The following MCAM variants were observed in gnomAD, a reference collection of about 807,000 sequenced individuals.
MCAM encodes melanoma cell adhesion molecule, also known as cell surface glycoprotein MUC18.
MCAM carries 55 observed loss-of-function variants against 79.1 expected under a neutral mutation model. The ratio of observed to expected loss-of-function variants is 0.70; its 90% CI spans 0.56 to 0.87. The LOEUF (loss-of-function observed/expected upper bound fraction) is 0.87. Ranked by LOEUF, MCAM falls within the 40% of genes least tolerant of loss-of-function variation. The pLI is 0.00. For missense variants in MCAM, 745 were observed against 839.8 expected (o/e 0.89, Z 1.40); for synonymous variants, 330 against 339.8 (o/e 0.97, Z 0.32).
chr11:119,313,189 G>A (rs1439952632), intron 5 of MCAM: 5 of 1,482,218 alleles, frequency 3.4e-6, no homozygotes, highest in Non-Finnish European at 4.5e-6. Flanking sequence ...ATGCTGCAAT[G>A]ATAAAAACGA....
At position 119,315,257 on chromosome 11, in the gene MCAM, G is replaced by A. The variant is rs931739508; in HGVS notation, c.74C>T (p.Pro25Leu). Residue 25 changes from proline (P) to leucine (L), a missense_variant, in exon 2 of 16, where the codon CCC becomes CTC. By Grantham distance (98) the Pro-to-Leu change is moderately conservative. Coordinates refer to ENST00000264036, the MANE Select transcript of MCAM (RefSeq NM_006500.3). This position sits in a 1 kb window ranked among gnomAD's most constrained non-coding sequence, Gnocchi z 4.4. ...AGGCGCAGGCTGCTCAGCCTCTCCG[G>A]GCACACCTGGGGGAGGGAGGCGGGG... ...CCCCPRVAGV[P>L]GEAEQPAPEL... 2.5e-6 allele frequency: 4 copies of A among 1,609,288 alleles called. No individual in the cohort carries two copies. The African/African-American group carries it at 4.0e-5, about 16-fold the overall frequency.
chr11:119,316,262 T>C lies in MCAM; in HGVS notation c.67+773A>G, dbSNP rs1447629140. 2.0e-5 allele frequency: 3 copies of C among 152,186 alleles called. No individual in the cohort carries two copies. The highest frequency in any genetic ancestry group is 7.2e-5 in the African/African-American group (3 of 41,440). The allele number at this position is 152,186 out of a possible 1,614,324, so 9.4% of individuals were successfully genotyped here. On this transcript the variant is annotated intron_variant, in intron 1 of 15. Coordinates refer to ENST00000264036, the MANE Select transcript of MCAM (RefSeq NM_006500.3). This position sits in a 1 kb window ranked among gnomAD's most constrained non-coding sequence, Gnocchi z 4.8. The stretch of plus-strand genomic sequence containing the variant: ...CCGGACAGCGGCTGGGACGGCGGAA[T>C]GGGAGCCAAGAGAAACACGCGACAC...
chr11:119,311,476 C>T lies in MCAM; in HGVS notation c.1407+54G>A. On this transcript the variant is annotated intron_variant, in intron 11 of 15. Transcript: ENST00000264036. This position sits in a 1 kb window ranked among gnomAD's most constrained non-coding sequence, Gnocchi z 4.4. The stretch of plus-strand genomic sequence containing the variant: ...GGATGGGGAGGATCTCTGGTCCTGG[C>T]CACAAAGCGCAGGCAGGGATTAGGA... The T allele has an allele frequency of 6.2e-7, 1 of 1,613,416 alleles. No individual in the cohort carries two copies. The highest frequency in any genetic ancestry group is 8.5e-7 in the Non-Finnish European group (1 of 1,179,468).
intron 4 of MCAM, 39 bp from the exon 5 acceptor site, chr11:119,314,615 C>A (rs761381111): frequency 1.9e-6 from 3 of 1,611,024 alleles, no homozygotes; most frequent in Non-Finnish European, 2.5e-6. Context: ...GCCTCCGAGC[C>A]CCCTTCAAGC....
rs768743790 is a variant in MCAM at position 119,311,541 on chromosome 11, C to T, written c.1396G>A (p.Val466Ile). 8.1e-6 allele frequency: 13 copies of T among 1,613,996 alleles called. No homozygotes were observed. Among genetic ancestry groups the T allele is most frequent in the East Asian group, 2.2e-5 (1 of 44,884 alleles). The change falls in exon 11 of 16, where the codon GTC becomes ATC. Residue 466 changes from valine to isoleucine, a missense_variant. By Grantham distance (29) the Val-to-Ile change is conservative. Transcript: ENST00000264036. The surrounding 1 kb of genome is among the most constrained non-coding windows in gnomAD (Gnocchi z 4.4). ...AGACACCCGCTCACCGTGCCGTTGACGTTCCAGGAGATGGTGGGCCGGGGG... is the reference window on the plus strand; with the variant it reads ...AGACACCCGCTCACCGTGCCGTTGATGTTCCAGGAGATGGTGGGCCGGGGG... ...GHPRPTISWN[V>I]NGTASEQDQD...
Position 119,316,986 on chromosome 11 carries a change from C to A in MCAM, c.67+49G>T. The A allele has an allele frequency of 6.8e-7, 1 of 1,478,332 alleles. No individual in the cohort carries two copies. The highest frequency in any genetic ancestry group is 1.2e-5 in the South Asian group (1 of 81,832). The allele number at this position is 1,478,332 out of a possible 1,614,324, so 91.6% of individuals were successfully genotyped here. A position where few individuals can be genotyped will look rare whatever the true frequency, so the allele number is the denominator to read the frequency against. On this transcript the variant is annotated intron_variant, in intron 1 of 15. Coordinates refer to ENST00000264036, the MANE Select transcript of MCAM (RefSeq NM_006500.3). The surrounding 1 kb of genome is among the most constrained non-coding windows in gnomAD (Gnocchi z 4.8). ...CGCTGGCTCTGCTCCCTGGCACGCT[C>A]CACCGCAGACCCCTAGCCGGGGCGC...
rs74795270 is a variant in MCAM, at chr11:119,313,273, G to C, written c.560-324C>G. On this transcript the variant is annotated intron_variant, in intron 5 of 15. Coordinates refer to ENST00000264036, the MANE Select transcript of MCAM (RefSeq NM_006500.3). ...TGCTATGCGTAGTATGGAAAACTTGGCAGTAAGCAAAACGATCAGTTGATC... is the reference window on the plus strand; with the variant it reads ...TGCTATGCGTAGTATGGAAAACTTGCCAGTAAGCAAAACGATCAGTTGATC... 1,569 of 1,363,222 alleles carry C rather than the reference G, an allele frequency of 1.2e-3. 15 individuals are homozygous for C. The African/African-American group carries it at 0.02, about 18-fold the overall frequency. 84.4% of individuals were successfully genotyped at this position (1,363,222 alleles called of 1,614,324 possible). A position where few individuals can be genotyped will look rare whatever the true frequency, so the allele number is the denominator to read the frequency against.
rs1950291672 is a variant in MCAM at position 119,315,035 on chromosome 11, G to A, written c.198C>T (p.His66=). Residue 66 remains histidine, a synonymous_variant, in exon 3 of 16, where the codon CAC becomes CAT. Transcript: ENST00000264036. The surrounding 1 kb of genome is among the most constrained non-coding windows in gnomAD (Gnocchi z 4.4). ...GGAAGATGAGCGTCCGCTTCTCCTT[G>A]TGGACCTAATGGGAGGAGACACAGA... ...NLSHVDWFSV[H]KEKRTLIFRV... 2 of 1,608,548 alleles carry A rather than the reference G, an allele frequency of 1.2e-6. No individual in the cohort carries two copies. Among genetic ancestry groups the A allele is most frequent in the Non-Finnish European group, 1.7e-6 (2 of 1,179,928 alleles).
chr11:119,311,737 C>T lies in MCAM; in HGVS notation c.1285+71G>A, dbSNP rs1950236899. 6.2e-7 allele frequency: 1 copy of T among 1,607,482 alleles called. No homozygotes were observed. Among genetic ancestry groups the T allele is most frequent in the Admixed American group, 1.7e-5 (1 of 59,514 alleles). On this transcript the variant is annotated intron_variant, in intron 10 of 15. Coordinates refer to ENST00000264036, the MANE Select transcript of MCAM (RefSeq NM_006500.3). The surrounding 1 kb of genome is among the most constrained non-coding windows in gnomAD (Gnocchi z 4.4). The stretch of plus-strand genomic sequence containing the variant: ...CAGAGCTCCCCAGGGCAGCAGGTGG[C>T]TTTTTGTCAAAGAGCTTAAAAACCA...
In MCAM at chr11:119,310,453, A is replaced by G; in HGVS notation, c.1807T>C (p.Ser603Pro). 1 of 1,611,164 alleles carries G rather than the reference A, an allele frequency of 6.2e-7. No homozygotes were observed. The highest frequency in any genetic ancestry group is 1.7e-5 in the Admixed American group (1 of 60,030). Residue 603 changes from serine to proline, a missense_variant, in exon 15 of 16, where the codon TCT becomes CCT. Ser to Pro is a moderately conservative substitution (Grantham distance 74, BLOSUM62 -1). Coordinates refer to ENST00000264036, the MANE Select transcript of MCAM (RefSeq NM_006500.3). ...SGKQEITLPP[S>P]RKSELVVEVK... Reference sequence around the variant, plus strand: ...TCAACTACAAGTTCGCTCTTACGAGACGGGGGTAGCGTGCTGGGAGGAGGG... The same window carrying G: ...TCAACTACAAGTTCGCTCTTACGAGGCGGGGGTAGCGTGCTGGGAGGAGGG...
intron 5 of MCAM, chr11:119,313,182 C>T: frequency 6.7e-7 from 1 of 1,496,324 alleles, no homozygotes; most frequent in Non-Finnish European, 8.9e-7. Flanking sequence ...GCAAAGAATG[C>T]TGCAATGATA....
rs1265971274 is a variant in MCAM at position 119,309,719 on chromosome 11, C to T, written c.*167G>A. The T allele has an allele frequency of 3.0e-6, 2 of 671,484 alleles. No homozygotes were observed. Among genetic ancestry groups the T allele is most frequent in the Admixed American group, 2.7e-5 (1 of 37,038 alleles). The allele number at this position is 671,484 out of a possible 1,614,324, so 41.6% of individuals were successfully genotyped here. A position where few individuals can be genotyped will look rare whatever the true frequency, so the allele number is the denominator to read the frequency against. ...TCCCTGAAAAGCGGGCCTTGCAGGGCCAAGTGAGGTCCTCAGGTCCTAACC... is the reference window on the plus strand; with the variant it reads ...TCCCTGAAAAGCGGGCCTTGCAGGGTCAAGTGAGGTCCTCAGGTCCTAACC... On this transcript the variant is annotated 3_prime_UTR_variant, in exon 16 of 16. Coordinates refer to ENST00000264036, the MANE Select transcript of MCAM (RefSeq NM_006500.3).
At position 119,312,664 on chromosome 11, in the gene MCAM, G is replaced by T. The variant is rs896629613; in HGVS notation, c.740-16C>A. 1 of 1,614,152 alleles carries T rather than the reference G, an allele frequency of 6.2e-7. No homozygotes were observed. On this transcript the variant is annotated splice_polypyrimidine_tract_variant and intron_variant, in intron 6 of 15. Transcript: ENST00000264036. This position sits in a 1 kb window ranked among gnomAD's most constrained non-coding sequence, Gnocchi z 4.9. ...TCTGTCGGGTCTGCATAGGCAAAGG[G>T]GGTAGCTCTTGGCCCATGAGTCAAC... is the stretch of plus-strand genomic sequence containing the variant.
At position 119,308,577 on chromosome 11, in the gene MCAM, A is replaced by C. The variant is rs969585817; in HGVS notation, c.*1309T>G. On this transcript the variant is annotated 3_prime_UTR_variant, in exon 16 of 16. Coordinates refer to ENST00000264036, the MANE Select transcript of MCAM (RefSeq NM_006500.3). ...TTTTCATATATATATATATTTTCATATATATATATACATACATATATAAAG... is the reference window on the plus strand; with the variant it reads ...TTTTCATATATATATATATTTTCATCTATATATATACATACATATATAAAG... 1 of 150,310 alleles carries C rather than the reference A, an allele frequency of 6.7e-6. No homozygotes were observed. The highest frequency in any genetic ancestry group is 6.7e-5 in the Admixed American group (1 of 14,984). 9.3% of individuals were successfully genotyped at this position (150,310 alleles called of 1,614,324 possible). A position where few individuals can be genotyped will look rare whatever the true frequency, so the allele number is the denominator to read the frequency against.
rs528808258 is a variant in MCAM at position 119,310,455 on chromosome 11, G to C, written c.1805C>G (p.Pro602Arg). 7.0e-5 allele frequency: 113 copies of C among 1,609,512 alleles called. No homozygotes were observed. In the South Asian group the frequency reaches 1.2e-3, roughly 17 times the overall value. Residue 602 changes from proline to arginine, a missense_variant, in exon 15 of 16, where the codon CCG (proline) becomes CGG (arginine). Transcript: ENST00000264036. Reference sequence around the variant, plus strand: ...AACTACAAGTTCGCTCTTACGAGACGGGGGTAGCGTGCTGGGAGGAGGGAG... The same window carrying C: ...AACTACAAGTTCGCTCTTACGAGACCGGGGTAGCGTGCTGGGAGGAGGGAG... ...RSGKQEITLP[P>R]SRKSELVVEV...
At chr11:119,314,386 C>T (rs1950277969) in intron 5 of MCAM, 103 bp downstream of exon 5, 3 of 1,046,698 alleles carry the variant, frequency 2.9e-6, no homozygotes, top group South Asian at 2.7e-5. Flanking sequence ...GAACTCCTCA[C>T]CTCCAGAGAT....
chr11:119,313,685 G>A, intron 5 of MCAM: 1 of 229,858 alleles, frequency 4.4e-6, no homozygotes, highest in South Asian at 6.5e-5. Context: ...ACAGGCGTGA[G>A]CCCAGCCAGC....
Position 119,310,737 on chromosome 11 carries a change from G to T in MCAM, c.1793+19C>A. 1 of 1,609,216 alleles carries T rather than the reference G, an allele frequency of 6.2e-7. No individual in the cohort carries two copies. On this transcript the variant is annotated intron_variant, in intron 14 of 15. Coordinates refer to ENST00000264036, the MANE Select transcript of MCAM (RefSeq NM_006500.3). ...GGTGGCAAAACGGGCGGGGGCGGAG[G>T]GGCCGGTGTTGGGCTTACATCTCCT...
intron 13 of MCAM, 76 bp from the exon 14 acceptor site, chr11:119,310,979 G>A (rs751981304): frequency 1.2e-6 from 2 of 1,613,702 alleles, no homozygotes; most frequent in Non-Finnish European, 1.7e-6. Flanking sequence ...GCCAGTCCAG[G>A]GCCGACAAGA....
Sources: allele counts gnomAD v4.1 joint callset, GRCh38; gene constraint gnomAD v4.1.1; non-coding constraint Gnocchi (gnomAD v3.1); transcripts MANE v1.5; gene names NCBI Gene and HGNC (gene_info 2026-07-23, HGNC 2026-07-21).